ANO3: variants seen among roughly 807,000 people sequenced by gnomAD.
ANO3 encodes anoctamin-3.
Under a neutral mutation model 144.8 loss-of-function variants are expected in ANO3, and 99 were observed. The observed-to-expected ratio is 0.68, with a 90% CI of 0.58 to 0.81. ANO3 has a LOEUF of 0.81. Ranked by LOEUF, ANO3 falls within the 30% of genes least tolerant of loss-of-function variation. ANO3 has a pLI of 0.00. For missense variants in ANO3, 905 were observed against 1,202.2 expected (o/e 0.75, Z 3.66); for synonymous variants, 414 against 392.6 (o/e 1.05, Z -0.64).
intron 1 of ANO3, among the ~76,000 whole-genome samples, chr11:26,411,501 T>C (rs1291469470): frequency 3.9e-5 from 6 of 152,014 alleles, no homozygotes; most frequent in Admixed American, 3.9e-4. Flanking sequence ...AGTTAGATTA[T>C]TAAATAAATT....
Position 26,572,102 on chromosome 11 carries a change from G to T in ANO3, c.1447+12323G>T, listed in dbSNP as rs896905281. 5.6e-5 allele frequency: 55 copies of T among 985,260 alleles called. No individual in the cohort carries two copies. The African/African-American group carries it at 9.3e-4, about 17-fold the overall frequency. The allele number at this position is 985,260 out of a possible 1,614,324, so 61.0% of individuals were successfully genotyped here. A position where few individuals can be genotyped will look rare whatever the true frequency, so the allele number is the denominator to read the frequency against. On this transcript the variant is annotated intron_variant, in intron 14 of 26. Coordinates refer to ENST00000256737, the MANE Select transcript of ANO3 (RefSeq NM_031418.4). ...AATATCACAGTTGTCCTGTCTGAAA[G>T]GAATCTGTCGTGCATTAGAGAAAAC...
chr11:26,595,460 G>GTGTTTTTTTTTTTTTTTTTTTTT, intron 14 of ANO3, among the ~76,000 whole-genome samples: 1 of 101,388 alleles, frequency 9.9e-6, no homozygotes, highest in Admixed American at 1.3e-4. Flanking sequence ...AGATAGAGTT[G>GTGTTTTTTTTTTTTTTTTTTTTT]TTTTTTTTTT....
At chr11:26,643,044 G>A (rs1853221217) in intron 22 of ANO3, 138 bp from the exon 23 acceptor site, 1 of 723,300 alleles carries the variant, frequency 1.4e-6, no homozygotes, top group African/African-American at 1.8e-5. Context: ...TATGAAATAA[G>A]GTTGTCCTAA....
At chr11:26,425,052 C>CCCCG (rs1330635365) in intron 1 of ANO3, among the ~76,000 whole-genome samples, 1 of 145,954 alleles carries the variant, frequency 6.9e-6, no homozygotes, top group Non-Finnish European at 1.5e-5. Context: ...CCACAAGAGG[C>CCCCG]CCCGGGGTGT....
At chr11:26,266,213 C>A (rs1455465128) in intron 1 of ANO3, among the ~76,000 whole-genome samples, 1 of 152,012 alleles carries the variant, frequency 6.6e-6, no homozygotes, top group East Asian at 1.9e-4. Flanking sequence ...CTTGTTCATA[C>A]ACAGCATTCA....
intron 14 of ANO3, among the ~76,000 whole-genome samples, chr11:26,563,454 T>G (rs1353722719): frequency 1.3e-5 from 2 of 150,938 alleles, no homozygotes; most frequent in Non-Finnish European, 3.0e-5. Context: ...CTATTTGGGA[T>G]ATATGGGCAA....
intron 17 of ANO3, among the ~76,000 whole-genome samples, chr11:26,619,469 T>C (rs1277832640): frequency 6.6e-6 from 1 of 152,000 alleles, no homozygotes; most frequent in Non-Finnish European, 1.5e-5. Context: ...TCTTTTTTTA[T>C]TATTTATTTT....
At chr11:26,647,166 T>C (rs1420282713) in intron 23 of ANO3, among the ~76,000 whole-genome samples, 2 of 152,276 alleles carry the variant, frequency 1.3e-5, no homozygotes, top group Admixed American at 6.5e-5. Flanking sequence ...CAAAAGTTTT[T>C]TGTGTGTATG....
chr11:26,516,389 C>A (rs1861865361), intron 5 of ANO3, among the ~76,000 whole-genome samples: 1 of 151,338 alleles, frequency 6.6e-6, no homozygotes, highest in Non-Finnish European at 1.5e-5. Context: ...GTTTGAGGAC[C>A]TAGTAGGTAC....
intron 1 of ANO3, among the ~76,000 whole-genome samples, chr11:26,399,129 T>G (rs1330871919): frequency 6.6e-6 from 1 of 151,974 alleles, no homozygotes; most frequent in Non-Finnish European, 1.5e-5. Context: ...TCTGGTGAGA[T>G]AAAATTCTGC....
At chr11:26,249,147 G>A (rs1433226874) in intron 1 of ANO3, among the ~76,000 whole-genome samples, 3 of 152,126 alleles carry the variant, frequency 2.0e-5, no homozygotes, top group Non-Finnish European at 4.4e-5. Flanking sequence ...AAAATATTTT[G>A]TAATGGAGAC....
At chr11:26,205,196 G>C (rs552524873) in intron 1 of ANO3, among the ~76,000 whole-genome samples, 3 of 152,216 alleles carry the variant, frequency 2.0e-5, no homozygotes, top group South Asian at 4.1e-4. Context: ...GAATTATTAC[G>C]ATTCAAGGTG....
chr11:26,423,025 G>C (rs1857798975), intron 1 of ANO3, among the ~76,000 whole-genome samples: 1 of 151,924 alleles, frequency 6.6e-6, no homozygotes, highest in Non-Finnish European at 1.5e-5. Flanking sequence ...CAGTAGGAAG[G>C]CTGTTTGTTT....
intron 1 of ANO3, among the ~76,000 whole-genome samples, chr11:26,249,506 T>TTA (rs1465494683): frequency 2.6e-5 from 4 of 152,134 alleles, no homozygotes; most frequent in Admixed American, 2.0e-4. Context: ...ACTTCTTGAA[T>TTA]TATATAGTTA....
At chr11:26,548,775 G>A (rs986031567) in intron 12 of ANO3, among the ~76,000 whole-genome samples, 2 of 151,656 alleles carry the variant, frequency 1.3e-5, no homozygotes, top group Non-Finnish European at 2.9e-5. Context: ...ATCTAGTCTT[G>A]GGTTTATTTC....
At chr11:26,542,610 G>A (rs1358274467) in intron 11 of ANO3, among the ~76,000 whole-genome samples, 2 of 152,048 alleles carry the variant, frequency 1.3e-5, no homozygotes, top group Admixed American at 6.6e-5. Context: ...AGAGCAAACA[G>A]AAAAATGACT....
chr11:26,386,607 GAGA>G (rs1486804105), intron 1 of ANO3, among the ~76,000 whole-genome samples: 2 of 152,168 alleles, frequency 1.3e-5, no homozygotes, highest in Non-Finnish European at 2.9e-5. Flanking sequence ...CCAACGTACT[GAGA>G]AGAATACAAC....
chr11:26,653,237 T>C (rs1853586491), intron 24 of ANO3, among the ~76,000 whole-genome samples: 1 of 152,266 alleles, frequency 6.6e-6, no homozygotes, highest in South Asian at 2.1e-4. Flanking sequence ...AAATTTAAAG[T>C]CCGAATTTCA....
intron 1 of ANO3, among the ~76,000 whole-genome samples, chr11:26,245,310 T>C (rs924186763): frequency 2.3e-4 from 35 of 152,192 alleles, no homozygotes; most frequent in Non-Finnish European, 1.0e-4. Context: ...AATTCATAAG[T>C]AATCTCTGGG....
Sources: allele counts gnomAD v4.1 joint callset (sites outside exome capture counted in the v4.1 genomes callset), GRCh38; gene constraint gnomAD v4.1.1; transcripts MANE v1.5; gene names NCBI Gene and HGNC (gene_info 2026-07-23, HGNC 2026-07-21).